The following APLP2 variants were observed in gnomAD, a reference collection of about 807,000 sequenced individuals.
The protein encoded by APLP2 is amyloid beta precursor like protein 2, also known as CDEI box-binding protein.
A neutral mutation model predicts 89.9 loss-of-function variants in APLP2; 53 were observed. The observed-to-expected ratio is 0.59, with a 90% CI of 0.47 to 0.74. The LOEUF (loss-of-function observed/expected upper bound fraction) is 0.74. Ranked by LOEUF, APLP2 falls within the 30% of genes least tolerant of loss-of-function variation. The pLI is 0.00. For missense variants in APLP2, 973 were observed against 975.9 expected, an observed-to-expected ratio of 1.00 and a Z score of 0.04; for synonymous variants, 372 against 348.6, an observed-to-expected ratio of 1.07 and a Z score of -0.75.
intron 1 of APLP2, among the ~76,000 whole-genome samples, chr11:130,096,272 G>T (rs1465385397): frequency 2.0e-5 from 3 of 152,160 alleles, no homozygotes; most frequent in Non-Finnish European, 2.9e-5. Flanking sequence ...AGTGTGGCAG[G>T]GGCTGCATCA....
Position 130,132,485 on chromosome 11 carries a change from T to C in APLP2, c.1585-1144T>C, listed in dbSNP as rs573003661. Among the ~76,000 whole-genome samples, 3 of 152,300 alleles carry C rather than the reference T, an allele frequency of 2.0e-5. No individual in the cohort carries two copies. In the South Asian group the frequency reaches 6.2e-4, roughly 32 times the overall value. ...TCTAACCAGGCGGGGATGACTTAGC[T>C]TGAAAAGCTTGTGGGAGCTACAGCA... On this transcript the variant is annotated intron_variant, in intron 11 of 16. Transcript: ENST00000338167.
chr11:130,113,398 A>G (rs1565580531), intron 3 of APLP2, among the ~76,000 whole-genome samples: 1 of 152,220 alleles, frequency 6.6e-6, no homozygotes. Context: ...CCTTCTTTGC[A>G]TTGTGGTCAC....
chr11:130,095,921 G>C (rs1392568496), intron 1 of APLP2, among the ~76,000 whole-genome samples: 1 of 151,030 alleles, frequency 6.6e-6, no homozygotes, highest in African/African-American at 2.4e-5. Flanking sequence ...AGATAACAGT[G>C]GTTAGGAAAA....
At chr11:130,117,546 A>T (rs1295428720) in intron 3 of APLP2, among the ~76,000 whole-genome samples, 4 of 152,034 alleles carry the variant, frequency 2.6e-5, no homozygotes. Context: ...CTGGAATTAC[A>T]GGTGCATGCC....
chr11:130,128,385 C>G (rs530328074), intron 9 of APLP2, among the ~76,000 whole-genome samples: 1 of 152,224 alleles, frequency 6.6e-6, no homozygotes, highest in Admixed American at 6.5e-5. Flanking sequence ...AGCTGAAATG[C>G]CTTTCCTCCT....
At position 130,116,794 on chromosome 11, in the gene APLP2, A is replaced by C. The variant is rs1949235097; in HGVS notation, c.404-3912A>C. The stretch of plus-strand genomic sequence containing the variant: ...GACATCCTTAGGGTATCTTTTTAGA[A>C]CTGGAATTGTTGAATCAAAGAGTAC... On this transcript the variant is annotated intron_variant, in intron 3 of 16. Transcript: ENST00000338167. 2.6e-5 allele frequency among the ~76,000 whole-genome samples: 4 copies of C among 152,050 alleles called. No homozygotes were observed. In the South Asian group the frequency reaches 8.3e-4, roughly 32 times the overall value.
intron 1 of APLP2, among the ~76,000 whole-genome samples, chr11:130,099,390 A>C (rs1946614513): frequency 6.6e-6 from 1 of 152,254 alleles, no homozygotes; most frequent in African/African-American, 2.4e-5. Context: ...GTGAAAACTA[A>C]GGTCAAGAGA....
rs928034273 is a variant in APLP2 at position 130,143,671 on chromosome 11, AT to A, written c.*224del. On this transcript the variant is annotated 3_prime_UTR_variant, in exon 17 of 17. Coordinates refer to ENST00000338167, the MANE Select transcript of APLP2 (RefSeq NM_001142276.2). Reference sequence around the variant, plus strand: ...ACAATATATGATATATAAACCTTAAATGAAAAAAATGATCTATTGCAGATAT... The same window carrying A: ...ACAATATATGATATATAAACCTTAAAGAAAAAAATGATCTATTGCAGATAT... 13 of 452,418 alleles carry A rather than the reference AT, an allele frequency of 2.9e-5. No individual in the cohort carries two copies. Among genetic ancestry groups the A allele is most frequent in the Admixed American group, 1.5e-4 (4 of 27,088 alleles). The allele number at this position is 452,418 out of a possible 1,614,324, so 28.0% of individuals were successfully genotyped here. A position where few individuals can be genotyped will look rare whatever the true frequency, so the allele number is the denominator to read the frequency against.
intron 3 of APLP2, 28 bp from the exon 4 acceptor site, chr11:130,120,677 TC>T: frequency 1.3e-6 from 2 of 1,519,958 alleles, no homozygotes; most frequent in Non-Finnish European, 1.8e-6. Flanking sequence ...CATGGTCAGA[TC>T]CGCTCTGACA....
chr11:130,139,810 T>G (rs1435631540), intron 13 of APLP2, among the ~76,000 whole-genome samples: 2 of 152,178 alleles, frequency 1.3e-5, no homozygotes, highest in African/African-American at 4.8e-5. Context: ...CACAGAGGGA[T>G]TCAGCGTGGT....
chr11:130,084,086 A>C (rs981574534), intron 1 of APLP2, among the ~76,000 whole-genome samples: 3 of 152,108 alleles, frequency 2.0e-5, no homozygotes, highest in Non-Finnish European at 4.4e-5. Flanking sequence ...CTCTACTAAA[A>C]ATACAAAAAA....
At chr11:130,077,210 A>G (rs2135363723) in intron 1 of APLP2, among the ~76,000 whole-genome samples, 1 of 152,372 alleles carries the variant, frequency 6.6e-6, no homozygotes, top group South Asian at 2.1e-4. Flanking sequence ...GAGACATCAC[A>G]ATGCGTTTGT....
chr11:130,088,297 T>C (rs1208192011), intron 1 of APLP2, among the ~76,000 whole-genome samples: 1 of 152,204 alleles, frequency 6.6e-6, no homozygotes, highest in Non-Finnish European at 1.5e-5. Context: ...AAGAAAATCA[T>C]TGTTCAGGGA....
intron 16 of APLP2, 28 bp downstream of exon 16, chr11:130,142,102 C>T: frequency 1.3e-6 from 2 of 1,593,366 alleles, no homozygotes; most frequent in Non-Finnish European, 1.7e-6. Flanking sequence ...TGAGGGCCTG[C>T]TCTGCACTGT....
rs1952679512 is a variant in APLP2 at position 130,143,625 on chromosome 11, T to C, written c.*177T>C. 1 of 580,804 alleles carries C rather than the reference T, an allele frequency of 1.7e-6. No individual in the cohort carries two copies. The highest frequency in any genetic ancestry group is 1.9e-5 in the African/African-American group (1 of 53,474). The allele number at this position is 580,804 out of a possible 1,614,324, so 36.0% of individuals were successfully genotyped here. ...GAACTGCAATTTCCATTCTTTTAAA[T>C]GGGTGAAAAATGGTAATATAACAAT... On this transcript the variant is annotated 3_prime_UTR_variant, in exon 17 of 17. Transcript: ENST00000338167.
intron 1 of APLP2, among the ~76,000 whole-genome samples, chr11:130,081,848 A>G (rs903663003): frequency 6.6e-6 from 1 of 152,218 alleles, no homozygotes; most frequent in African/African-American, 2.4e-5. Context: ...TACTGTGGAT[A>G]TCTTTTAAAA....
At chr11:130,097,595 G>A (rs1304995242) in intron 1 of APLP2, among the ~76,000 whole-genome samples, 1 of 152,160 alleles carries the variant, frequency 6.6e-6, no homozygotes, top group Non-Finnish European at 1.5e-5. Context: ...TACTTGTGGG[G>A]CTGAGGTGGG....
At chr11:130,086,271 T>A (rs1269156066) in intron 1 of APLP2, among the ~76,000 whole-genome samples, 1 of 152,248 alleles carries the variant, frequency 6.6e-6, no homozygotes, top group Non-Finnish European at 1.5e-5. Flanking sequence ...TTGATTTGCA[T>A]TTCTCTAATA....
intron 1 of APLP2, among the ~76,000 whole-genome samples, chr11:130,106,982 C>T (rs372922756): frequency 4.3e-4 from 65 of 152,272 alleles, no homozygotes; most frequent in African/African-American, 1.3e-3. Flanking sequence ...CCACCGCGCC[C>T]GGCCCAGATT....
Sources: allele counts gnomAD v4.1 joint callset (sites outside exome capture counted in the v4.1 genomes callset), GRCh38; gene constraint gnomAD v4.1.1; transcripts MANE v1.5; gene names NCBI Gene and HGNC (gene_info 2026-07-23, HGNC 2026-07-21).